The following RAPH1 variants were observed in gnomAD, a reference collection of about 807,000 sequenced individuals.
RAPH1 encodes Ras association (RalGDS/AF-6) and pleckstrin homology domains 1, also known as ras-associated and pleckstrin homology domains-containing protein 1.
Under a neutral mutation model 88.1 loss-of-function variants are expected in RAPH1, and 18 were observed. The ratio of observed to expected loss-of-function variants is 0.20; its 90% CI spans 0.14 to 0.30. The LOEUF (loss-of-function observed/expected upper bound fraction) is 0.30, where lower values mean the gene tolerates loss of function less well. Ranked by LOEUF, RAPH1 falls within the 10% of genes least tolerant of loss-of-function variation. RAPH1 has a pLI of 1.00. For missense variants in RAPH1, 1,448 were observed against 1,543.2 expected, an observed-to-expected ratio of 0.94 and a Z score of 1.03; for synonymous variants, 587 against 559.0, an observed-to-expected ratio of 1.05 and a Z score of -0.71.
intron 1 of RAPH1, among the ~76,000 whole-genome samples, chr2:203,497,905 T>G (rs978332099): frequency 6.6e-6 from 1 of 152,178 alleles, no homozygotes; most frequent in Non-Finnish European, 1.5e-5. Flanking sequence ...AGGAAAAACA[T>G]AAAATGTTAC....
At chr2:203,526,417 G>T (rs2105988701) in intron 1 of RAPH1, among the ~76,000 whole-genome samples, 1 of 152,144 alleles carries the variant, frequency 6.6e-6, no homozygotes, top group African/African-American at 2.4e-5. Flanking sequence ...GCTTTAAGAT[G>T]ACTTCATATA....
intron 1 of RAPH1, among the ~76,000 whole-genome samples, chr2:203,529,344 C>T (rs1018473028): frequency 1.3e-5 from 2 of 151,810 alleles, no homozygotes; most frequent in African/African-American, 4.8e-5. Flanking sequence ...AAAGTAATTT[C>T]CAAAAGCATC....
At chr2:203,528,094 A>C (rs911164973) in intron 1 of RAPH1, among the ~76,000 whole-genome samples, 3 of 152,208 alleles carry the variant, frequency 2.0e-5, no homozygotes, top group Non-Finnish European at 4.4e-5. Flanking sequence ...CTTTTATAAA[A>C]AGAGTAGAGT....
intron 4 of RAPH1, chr2:203,470,120 A>G (rs967443485): frequency 6.5e-6 from 4 of 617,380 alleles, no homozygotes; most frequent in African/African-American, 1.9e-5. Flanking sequence ...AAGAAAAAGT[A>G]TATTAATGAC....
chr2:203,476,256 C>T (rs1687437994), intron 4 of RAPH1, among the ~76,000 whole-genome samples: 1 of 151,954 alleles, frequency 6.6e-6, no homozygotes, highest in Non-Finnish European at 1.5e-5. Flanking sequence ...CTGCAGCCTC[C>T]GCCTCTTGGG....
chr2:203,487,114 TAC>T (rs1432047489), intron 4 of RAPH1, among the ~76,000 whole-genome samples: 1 of 152,236 alleles, frequency 6.6e-6, no homozygotes, highest in Non-Finnish European at 1.5e-5. Flanking sequence ...GAGCACATTT[TAC>T]AGACAGAAAG....
intron 4 of RAPH1, among the ~76,000 whole-genome samples, chr2:203,473,031 T>C (rs1346518179): frequency 1.3e-5 from 2 of 152,144 alleles, no homozygotes; most frequent in African/African-American, 2.4e-5. Context: ...CCACAAACAA[T>C]AGTTAAACAT....
Position 203,508,160 on chromosome 2 carries a change from T to C in RAPH1, c.1-12807A>G, listed in dbSNP as rs544704105. ...GCGTAAACCCGGGAGGCAGAGCTTG[T>C]ATAGTGAGCTGAGATAGCGCCACTG... On this transcript the variant is annotated intron_variant, in intron 1 of 13. Coordinates refer to ENST00000319170, the MANE Select transcript of RAPH1 (RefSeq NM_213589.3). 2.0e-3 allele frequency among the ~76,000 whole-genome samples: 283 copies of C among 143,370 alleles called. 1 individual carries two copies. The highest frequency in any genetic ancestry group is 3.4e-3 in the Non-Finnish European group (226 of 66,924). The allele number at this position is 143,370 out of a possible 152,430, so 94.1% of individuals were successfully genotyped here.
chr2:203,528,979 C>CTATATATATATATATATA (rs71408946), intron 1 of RAPH1, among the ~76,000 whole-genome samples: 1 of 61,218 alleles, frequency 1.6e-5, no homozygotes, highest in African/African-American at 7.7e-5. Flanking sequence ...GGTTGTTTTG[C>CTATATATATATATATATA]TATATATATA....
chr2:203,508,886 TTG>T (rs909697877), intron 1 of RAPH1, among the ~76,000 whole-genome samples: 2 of 152,072 alleles, frequency 1.3e-5, no homozygotes, highest in African/African-American at 4.8e-5. Flanking sequence ...TGAAAAATAA[TTG>T]TGTATTTCTC....
chr2:203,484,202 T>A (rs1559477988), intron 4 of RAPH1, among the ~76,000 whole-genome samples: 1 of 152,196 alleles, frequency 6.6e-6, no homozygotes, highest in Non-Finnish European at 1.5e-5. Context: ...TATATTTCCT[T>A]AAATCTAAGA....
intron 4 of RAPH1, among the ~76,000 whole-genome samples, chr2:203,462,916 T>C (rs2246118): frequency 0.61 from 93,121 of 151,960 alleles, 29,123 homozygotes; most frequent in Middle Eastern, 0.77. Flanking sequence ...ATAAAAACTT[T>C]TTGGTTGGGC....
intron 1 of RAPH1, among the ~76,000 whole-genome samples, chr2:203,531,412 A>T (rs905715441): frequency 8.6e-5 from 13 of 151,306 alleles, no homozygotes; most frequent in African/African-American, 3.2e-4. Context: ...AAAAAAAAAA[A>T]TTTGTGCAAA....
intron 10 of RAPH1, among the ~76,000 whole-genome samples, chr2:203,449,151 A>G (rs1422357985): frequency 6.6e-6 from 1 of 152,276 alleles, no homozygotes; most frequent in African/African-American, 2.4e-5. Context: ...CAGAGTCCAT[A>G]GAATTCTCCA....
intron 1 of RAPH1, among the ~76,000 whole-genome samples, chr2:203,520,857 G>A (rs1391365458): frequency 6.6e-6 from 1 of 152,084 alleles, no homozygotes; most frequent in African/African-American, 2.4e-5. Context: ...TTGTGAACCA[G>A]CAATACCACT....
rs991869478 is a variant in RAPH1, at chr2:203,501,546, C to T, written c.1-6193G>A. Reference sequence around the variant, plus strand: ...ACTTTGGGAGGCCAAGGCGGGCAGACTGCTTGAGCCCAGGAGTTTGAGACC... The same window carrying T: ...ACTTTGGGAGGCCAAGGCGGGCAGATTGCTTGAGCCCAGGAGTTTGAGACC... On this transcript the variant is annotated intron_variant, in intron 1 of 13. Transcript: ENST00000319170. Among the ~76,000 whole-genome samples, 10 of 152,270 alleles carry T rather than the reference C, an allele frequency of 6.6e-5. No individual in the cohort carries two copies. In the East Asian group the frequency reaches 1.2e-3, roughly 18 times the overall value.
chr2:203,501,588 C>T (rs887668136), intron 1 of RAPH1, among the ~76,000 whole-genome samples: 1 of 151,902 alleles, frequency 6.6e-6, no homozygotes, highest in Non-Finnish European at 1.5e-5. Context: ...GGCCACATGG[C>T]GAGACCTCAT....
chr2:203,481,521 A>C (rs1559475879), intron 4 of RAPH1, among the ~76,000 whole-genome samples: 1 of 150,782 alleles, frequency 6.6e-6, no homozygotes, highest in East Asian at 1.9e-4. Flanking sequence ...AATGTTTTTA[A>C]AACTATTTCT....
At chr2:203,469,215 G>GGGAAGAGCTGAGGAAAAAGGA (rs1369920834) in intron 4 of RAPH1, among the ~76,000 whole-genome samples, 2 of 151,944 alleles carry the variant, frequency 1.3e-5, no homozygotes, top group Non-Finnish European at 2.9e-5. Flanking sequence ...AGAACGAAGA[G>GGGAAGAGCTGAGGAAAAAGGA]GGAAGAGCTG....
Sources: gnomAD v4.1 joint callset for allele counts (sites outside exome capture counted in the v4.1 genomes callset) on GRCh38, gnomAD v4.1.1 for gene constraint, MANE v1.5 for transcripts, NCBI Gene and HGNC (gene_info 2026-07-23, HGNC 2026-07-21) for gene names.